The following CHD7 variants were observed in gnomAD, a reference collection of about 807,000 sequenced individuals.
CHD7 encodes chromodomain helicase DNA binding protein 7, also known as ATP-dependent chromatin remodeler CHD7.
Under a neutral mutation model 307.3 loss-of-function variants are expected in CHD7, and 24 were observed. The ratio of observed to expected loss-of-function variants is 0.08; its 90% CI spans 0.06 to 0.11. The LOEUF is 0.11. Among genes scored for constraint, CHD7 ranks in the 10% least tolerant of loss-of-function variants. The probability of loss-of-function intolerance (pLI) is 1.00; values close to 1 mark genes in which losing one functional copy is unlikely to be tolerated. For synonymous variants in CHD7, 1,363 were observed against 1,349.9 expected (o/e 1.01, Z -0.21); for missense variants, 3,106 against 3,727.1 (o/e 0.83, Z 4.34).
rs1384228127 is a variant in CHD7, at chr8:60,820,050, G to A, written c.2657G>A (p.Arg886Gln). 2 of 1,610,868 alleles carry A rather than the reference G, an allele frequency of 1.2e-6. No individual in the cohort carries two copies. Among genetic ancestry groups the A allele is most frequent in the African/African-American group, 1.3e-5 (1 of 74,682 alleles). ...AATCCAGATTATGTGGAGGTTGACCGGATAATGGACTTTGCACGTAGCACA... is the reference window on the plus strand; with the variant it reads ...AATCCAGATTATGTGGAGGTTGACCAGATAATGGACTTTGCACGTAGCACA... Reference protein sequence around the residue: ...LFNPDYVEVDRIMDFARSTDD... With the variant: ...LFNPDYVEVDQIMDFARSTDD... The change falls in exon 9 of 38, where the codon CGG (arginine) becomes CAG (glutamine). Residue 886 changes from arginine to glutamine, a missense_variant. By Grantham distance (43) the Arg-to-Gln change is conservative. Coordinates refer to ENST00000423902, the MANE Select transcript of CHD7 (RefSeq NM_017780.4).
rs756078419 is a variant in CHD7 at position 60,820,032 on chromosome 8, A to T, written c.2639A>T (p.Asp880Val). Residue 880 changes from aspartate (D) to valine (V), a missense_variant, in exon 9 of 38, where the codon GAT (aspartate) becomes GTT (valine). By Grantham distance (152) the Asp-to-Val change is radical (BLOSUM62 -3). Transcript: ENST00000423902. ...ATTGAGGATGAGCTTTTTAATCCAG[A>T]TTATGTGGAGGTTGACCGGATAATG... is the stretch of plus-strand genomic sequence containing the variant. ...SEIEDELFNP[D>V]YVEVDRIMDF... The T allele has an allele frequency of 9.3e-6, 15 of 1,607,548 alleles. No individual in the cohort carries two copies. In the South Asian group the frequency reaches 1.7e-4, roughly 18 times the overall value.
At chr8:60,812,759 T>A (rs1025785251) in intron 7 of CHD7, among the ~76,000 whole-genome samples, 26 of 152,030 alleles carry the variant, frequency 1.7e-4, no homozygotes, top group Non-Finnish European at 3.5e-4. Flanking sequence ...TTATTTATTT[T>A]TTTATTTTTC....
At chr8:60,817,049 A>G (rs1282156214) in intron 8 of CHD7, among the ~76,000 whole-genome samples, 1 of 152,218 alleles carries the variant, frequency 6.6e-6, no homozygotes, top group Admixed American at 6.5e-5. Context: ...TACCTAGGGC[A>G]GAGAAGAACA....
chr8:60,697,638 C>CA lies in CHD7; in HGVS notation c.-175+18564dup, dbSNP rs549359418. ...TTCTATTTCTGATACATTGAAATGC[C>CA]AAAAAAAAGTCGTGGAATTGATGAA... On this transcript the variant is annotated intron_variant, in intron 1 of 37. Coordinates refer to ENST00000423902, the MANE Select transcript of CHD7 (RefSeq NM_017780.4). 2.2e-3 allele frequency among the ~76,000 whole-genome samples: 325 copies of CA among 151,074 alleles called. 3 individuals are homozygous for CA. Among genetic ancestry groups the CA allele is most frequent in the African/African-American group, 7.0e-3 (288 of 41,166 alleles).
At position 60,822,614 on chromosome 8, in the gene CHD7, C is replaced by T. The variant is rs752082385; in HGVS notation, c.3069C>T (p.Ala1023=). 1 of 1,613,748 alleles carries T rather than the reference C, an allele frequency of 6.2e-7. No individual in the cohort carries two copies. The highest frequency in any genetic ancestry group is 2.2e-5 in the East Asian group (1 of 44,874). ...KGIHGPFLVI[A]PLSTIPNWER... is the part of the protein sequence containing the mutation. ...TCCATGGCCCTTTTTTAGTAATTGC[C>T]CCATTGTCCACAATCCCCAACTGGG... The change falls in exon 12 of 38, where the codon GCC becomes GCT. Residue 1023 remains alanine, a synonymous_variant. Transcript: ENST00000423902.
At chr8:60,769,896 C>T (rs910652145) in intron 2 of CHD7, among the ~76,000 whole-genome samples, 2 of 152,146 alleles carry the variant, frequency 1.3e-5, no homozygotes, top group Non-Finnish European at 2.9e-5. Flanking sequence ...TAAAGCCCTG[C>T]AAAGGGGAAA....
chr8:60,708,034 C>T (rs1807100126), intron 1 of CHD7, among the ~76,000 whole-genome samples: 1 of 152,168 alleles, frequency 6.6e-6, no homozygotes, highest in Non-Finnish European at 1.5e-5. Context: ...TTTAAAGAAT[C>T]TACTATAACC....
At chr8:60,715,579 AAAATGCTGGGATTACAGGCGTGAGCC>A (rs1039909442) in intron 1 of CHD7, among the ~76,000 whole-genome samples, 1 of 151,928 alleles carries the variant, frequency 6.6e-6, no homozygotes, top group Non-Finnish European at 1.5e-5. Context: ...TTGGCCTCCT[AAAATGCTGGGATTACAGGCGTGAGCC>A]ACCGCGCCCA....
At chr8:60,824,362 A>G (rs1056223330) in intron 13 of CHD7, 12 of 348,816 alleles carry the variant, frequency 3.4e-5, no homozygotes, top group Non-Finnish European at 6.2e-5. Flanking sequence ...ACATAATGCT[A>G]AAAGGAAATG....
intron 2 of CHD7, among the ~76,000 whole-genome samples, chr8:60,754,900 A>G (rs913829997): frequency 6.6e-6 from 1 of 152,242 alleles, no homozygotes; most frequent in African/African-American, 2.4e-5. Flanking sequence ...CAGTAGTACT[A>G]AGTCTTTGTT....
chr8:60,779,694 A>G (rs1463821968), intron 2 of CHD7, among the ~76,000 whole-genome samples: 1 of 152,200 alleles, frequency 6.6e-6, no homozygotes, highest in Non-Finnish European at 1.5e-5. Flanking sequence ...TGGCGTGTAC[A>G]GTAGTCACGA....
At chr8:60,850,798 C>G in intron 26 of CHD7, 176 bp downstream of exon 26, 1 of 754,350 alleles carries the variant, frequency 1.3e-6, no homozygotes, top group East Asian at 2.7e-5. Flanking sequence ...TATACATTAT[C>G]TTGATAATCT....
Position 60,765,402 on chromosome 8 carries a change from C to A in CHD7, c.1666-15598C>A, listed in dbSNP as rs141114267. 5.6e-3 allele frequency among the ~76,000 whole-genome samples: 853 copies of A among 152,338 alleles called. 7 individuals carry two copies. The highest frequency in any genetic ancestry group is 0.01 in the Middle Eastern group (3 of 294). On this transcript the variant is annotated intron_variant, in intron 2 of 37. Transcript: ENST00000423902. ...CATGCTGCTGTCCTTCAGCCCCTCA[C>A]AGTCCAGAGGACCTAATAATAGTCA...
chr8:60,729,026 A>G (rs1563548969), intron 1 of CHD7, among the ~76,000 whole-genome samples: 1 of 152,246 alleles, frequency 6.6e-6, no homozygotes, highest in South Asian at 2.1e-4. Context: ...GATTTATTCT[A>G]CAAGTGTTAT....
chr8:60,681,137 C>A (rs1347463582), intron 1 of CHD7, among the ~76,000 whole-genome samples: 1 of 151,936 alleles, frequency 6.6e-6, no homozygotes, highest in African/African-American at 2.4e-5. Context: ...TCTTGTCTGA[C>A]GATGACAAAA....
intron 2 of CHD7, among the ~76,000 whole-genome samples, chr8:60,772,234 T>C (rs977258439): frequency 1.3e-5 from 2 of 152,228 alleles, no homozygotes; most frequent in African/African-American, 4.8e-5. Flanking sequence ...ATTGATTTTT[T>C]TTCCCTTCAA....
At chr8:60,810,439 A>AT (rs1812746581) in intron 7 of CHD7, among the ~76,000 whole-genome samples, 1 of 150,446 alleles carries the variant, frequency 6.6e-6, no homozygotes, top group African/African-American at 2.4e-5. Flanking sequence ...TTATCTGTTT[A>AT]TTATATACAC....
intron 1 of CHD7, among the ~76,000 whole-genome samples, chr8:60,720,418 C>CT (rs1223771505): frequency 2.6e-5 from 4 of 152,048 alleles, no homozygotes; most frequent in Admixed American, 6.6e-5. Flanking sequence ...GTATGAGTTA[C>CT]TTTTTTTTGT....
intron 1 of CHD7, among the ~76,000 whole-genome samples, chr8:60,730,324 G>A (rs1808378606): frequency 6.6e-6 from 1 of 152,210 alleles, no homozygotes; most frequent in Non-Finnish European, 1.5e-5. Flanking sequence ...TACAGAGTTT[G>A]TGGATAAAAC....
Sources: allele counts gnomAD v4.1 joint callset (sites outside exome capture counted in the v4.1 genomes callset), GRCh38; gene constraint gnomAD v4.1.1; transcripts MANE v1.5; gene names NCBI Gene and HGNC (gene_info 2026-07-23, HGNC 2026-07-21).